PCED1B: variants seen among roughly 807,000 people sequenced by gnomAD.
PCED1B encodes PC-esterase domain-containing protein 1B.
For missense variants in PCED1B, 573 were observed against 573.9 expected, an observed-to-expected ratio of 1.00 and a Z score of 0.02; for synonymous variants, 251 against 246.1, an observed-to-expected ratio of 1.02 and a Z score of -0.19.
chr12:47,124,745 T>C (rs77837603), intron 2 of PCED1B, among the ~76,000 whole-genome samples: 3,484 of 152,142 alleles, frequency 0.023, 107 homozygotes, highest in East Asian at 0.076. Context: ...TATCATATTG[T>C]GTTTTTAATT....
chr12:47,109,290 A>G (rs1939088657), intron 2 of PCED1B, among the ~76,000 whole-genome samples: 1 of 152,154 alleles, frequency 6.6e-6, no homozygotes, highest in African/African-American at 2.4e-5. Flanking sequence ...AAATGGAGGC[A>G]GGTGGCAAGT....
intron 2 of PCED1B, among the ~76,000 whole-genome samples, chr12:47,142,161 T>G (rs749527214): frequency 6.6e-6 from 1 of 152,128 alleles, no homozygotes; most frequent in Non-Finnish European, 1.5e-5. Flanking sequence ...ACAGTTGATT[T>G]CACTCAAGGA....
intron 2 of PCED1B, among the ~76,000 whole-genome samples, chr12:47,138,804 C>T (rs1264395013): frequency 6.6e-6 from 1 of 152,182 alleles, no homozygotes; most frequent in South Asian, 2.1e-4. Context: ...CCTAGCTAAG[C>T]CTTCTGCATT....
rs765504758 is a variant in PCED1B at position 47,236,222 on chromosome 12, C to T, written c.1159C>T (p.Pro387Ser). 1.2e-6 allele frequency: 2 copies of T among 1,614,172 alleles called. No individual in the cohort carries two copies. Among genetic ancestry groups the T allele is most frequent in the South Asian group, 2.2e-5 (2 of 91,090 alleles). ...GCTGCCTATGCCCTTCTTCCCCACA[C>T]CCCGTTATCAGCGGCCTGCCCCAGT... ...PQLPMPFFPTPRYQRPAPVVH... is the reference protein window; with the variant it reads ...PQLPMPFFPTSRYQRPAPVVH... Residue 387 changes from proline (P) to serine (S), a missense_variant, in exon 4 of 4, where the codon CCC (proline) becomes TCC (serine). By Grantham distance (74) the Pro-to-Ser change is moderately conservative (BLOSUM62 -1). Coordinates refer to ENST00000546455, the MANE Select transcript of PCED1B (RefSeq NM_138371.3).
chr12:47,185,368 G>A (rs769884994), intron 2 of PCED1B, among the ~76,000 whole-genome samples: 15 of 152,224 alleles, frequency 9.9e-5, no homozygotes, highest in South Asian at 2.1e-4. Flanking sequence ...GCCCTGTGAA[G>A]AAGGAGGCAG....
intron 2 of PCED1B, among the ~76,000 whole-genome samples, chr12:47,107,386 G>T (rs115825159): frequency 6.6e-6 from 1 of 152,222 alleles, no homozygotes; most frequent in Non-Finnish European, 1.5e-5. Flanking sequence ...GAGGAGGAAG[G>T]CTTCTCTCTT....
intron 2 of PCED1B, among the ~76,000 whole-genome samples, chr12:47,106,446 A>G (rs1401409582): frequency 2.0e-5 from 3 of 152,136 alleles, no homozygotes; most frequent in Non-Finnish European, 2.9e-5. Flanking sequence ...GTGGGTGCCT[A>G]TGAGAAAGTA....
At chr12:47,101,718 G>A (rs1157683226) in intron 1 of PCED1B, among the ~76,000 whole-genome samples, 1 of 152,088 alleles carries the variant, frequency 6.6e-6, no homozygotes, top group Non-Finnish European at 1.5e-5. Context: ...AGGCTGAGAC[G>A]GCCGGATCAG....
At chr12:47,149,963 G>A (rs1359126054) in intron 2 of PCED1B, among the ~76,000 whole-genome samples, 1 of 151,958 alleles carries the variant, frequency 6.6e-6, no homozygotes, top group African/African-American at 2.4e-5. Flanking sequence ...ATCCCCTCAA[G>A]CATTTATAAG....
intron 2 of PCED1B, among the ~76,000 whole-genome samples, chr12:47,188,531 AT>A (rs1344425926): frequency 3.3e-5 from 5 of 152,222 alleles, no homozygotes; most frequent in African/African-American, 1.2e-4. Context: ...AATTGAAAGG[AT>A]TTGAGCCATT....
chr12:47,193,697 G>A (rs960238064), intron 2 of PCED1B, among the ~76,000 whole-genome samples: 2 of 152,112 alleles, frequency 1.3e-5, no homozygotes, highest in Non-Finnish European at 1.5e-5. Flanking sequence ...TTTTCTCCCC[G>A]TGACATAAAT....
intron 1 of PCED1B, among the ~76,000 whole-genome samples, chr12:47,091,476 A>C (rs1938263206): frequency 6.6e-6 from 1 of 152,050 alleles, no homozygotes; most frequent in African/African-American, 2.4e-5. Context: ...AATATATGTT[A>C]ATATTTTTCT....
chr12:47,224,862 A>C (rs1943587665), intron 3 of PCED1B, among the ~76,000 whole-genome samples: 2 of 152,218 alleles, frequency 1.3e-5, no homozygotes, highest in South Asian at 4.1e-4. Flanking sequence ...GTAGGAAGTG[A>C]GGTCAATGTA....
chr12:47,143,219 A>C (rs958645661), intron 2 of PCED1B, among the ~76,000 whole-genome samples: 5 of 152,202 alleles, frequency 3.3e-5, no homozygotes, highest in African/African-American at 1.2e-4. Flanking sequence ...TAGCCAGAGC[A>C]GTTAGGCAAG....
In PCED1B at chr12:47,193,404, C is replaced by T. The variant is rs571519661; in HGVS notation, c.-525-22818C>T. 1.0e-3 allele frequency among the ~76,000 whole-genome samples: 156 copies of T among 152,284 alleles called. 1 individual carries two copies. The highest frequency in any genetic ancestry group is 4.4e-3 in the South Asian group (21 of 4,822). On this transcript the variant is annotated intron_variant, in intron 2 of 3. Coordinates refer to ENST00000546455, the MANE Select transcript of PCED1B (RefSeq NM_138371.3). ...ATTCCCTGCTCACAATTCCTGAATTCCTGCCCCCTTCCCCCTTTCCACTCC... is the reference window on the plus strand; with the variant it reads ...ATTCCCTGCTCACAATTCCTGAATTTCTGCCCCCTTCCCCCTTTCCACTCC...
rs562355816 is a variant in PCED1B at position 47,173,895 on chromosome 12, G to A, written c.-525-42327G>A. Among the ~76,000 whole-genome samples the A allele has an allele frequency of 6.6e-5, 10 of 152,338 alleles. No homozygotes were observed. In the South Asian group the frequency reaches 1.7e-3, roughly 25 times the overall value. On this transcript the variant is annotated intron_variant, in intron 2 of 3. Transcript: ENST00000546455. ...GAAAATGTCTGTGGTAAATGCTGCG[G>A]ATGCTTTGAAGACTATTCTTATTCA... is the stretch of plus-strand genomic sequence containing the variant.
At chr12:47,113,237 A>G (rs143335723) in intron 2 of PCED1B, among the ~76,000 whole-genome samples, 80 of 152,362 alleles carry the variant, frequency 5.3e-4, no homozygotes, top group African/African-American at 1.8e-3. Flanking sequence ...AATATATGGT[A>G]TCAGAGACGG....
At chr12:47,161,437 T>A (rs1459509826) in intron 2 of PCED1B, among the ~76,000 whole-genome samples, 1 of 152,346 alleles carries the variant, frequency 6.6e-6, no homozygotes, top group South Asian at 2.1e-4. Flanking sequence ...TGGATATGTG[T>A]GACTTTATGC....
chr12:47,081,912 CATT>C (rs1384917424), intron 1 of PCED1B, among the ~76,000 whole-genome samples: 3 of 152,136 alleles, frequency 2.0e-5, no homozygotes, highest in South Asian at 2.1e-4. Flanking sequence ...ATTGTAGAAA[CATT>C]ATGCAGAGAT....
Sources: allele counts gnomAD v4.1 joint callset (sites outside exome capture counted in the v4.1 genomes callset), GRCh38; gene constraint gnomAD v4.1.1; transcripts MANE v1.5; gene names NCBI Gene and HGNC (gene_info 2026-07-23, HGNC 2026-07-21).